Variants in KCTD16 observed in about 807,000 individuals in gnomAD.
KCTD16 encodes BTB/POZ domain-containing protein KCTD16.
In KCTD16, 13 loss-of-function variants were observed where a neutral mutation model predicts 33.2. The observed-to-expected ratio is 0.39, with a 90% confidence interval of 0.25 to 0.62. KCTD16 has a LOEUF of 0.62. Among genes scored for constraint, KCTD16 ranks in the 20% least tolerant of loss-of-function variants. The pLI is 0.50. For missense variants in KCTD16, 441 were observed against 525.1 expected, an observed-to-expected ratio of 0.84 and a Z score of 1.57; for synonymous variants, 197 against 195.3, an observed-to-expected ratio of 1.01 and a Z score of -0.07.
At chr5:144,450,991 A>C (rs1753928860) in intron 3 of KCTD16, among the ~76,000 whole-genome samples, 2 of 152,154 alleles carry the variant, frequency 1.3e-5, no homozygotes, top group Admixed American at 1.3e-4. Context: ...CAAAATGACA[A>C]AAGAACACAA....
intron 3 of KCTD16, among the ~76,000 whole-genome samples, chr5:144,417,423 G>A (rs940157333): frequency 6.6e-6 from 1 of 151,886 alleles, no homozygotes; most frequent in South Asian, 2.1e-4. Context: ...ATTTTCTTTG[G>A]AGAAATGTCT....
At chr5:144,269,390 C>T (rs1021535181) in intron 3 of KCTD16, among the ~76,000 whole-genome samples, 1 of 151,858 alleles carries the variant, frequency 6.6e-6, no homozygotes, top group South Asian at 2.1e-4. Context: ...TGATTATCAG[C>T]AGATTTTTGA....
intron 3 of KCTD16, among the ~76,000 whole-genome samples, chr5:144,424,410 A>G (rs748696885): frequency 1.3e-5 from 2 of 152,182 alleles, no homozygotes; most frequent in Non-Finnish European, 2.9e-5. Flanking sequence ...GTTCTTCTGC[A>G]TCATAGAAAA....
At chr5:144,269,269 CAA>C (rs1755230770) in intron 3 of KCTD16, among the ~76,000 whole-genome samples, 1 of 151,748 alleles carries the variant, frequency 6.6e-6, no homozygotes, top group Non-Finnish European at 1.5e-5. Context: ...AAGATGAATG[CAA>C]AGAGACTCAC....
At chr5:144,382,161 T>C (rs1174859544) in intron 3 of KCTD16, among the ~76,000 whole-genome samples, 1 of 152,122 alleles carries the variant, frequency 6.6e-6, no homozygotes, top group Admixed American at 6.6e-5. Context: ...AATCAAATAC[T>C]ACATATTCTC....
chr5:144,416,959 C>A (rs1753068391), intron 3 of KCTD16, among the ~76,000 whole-genome samples: 1 of 152,082 alleles, frequency 6.6e-6, no homozygotes, highest in South Asian at 2.1e-4. Flanking sequence ...TACTTCATTC[C>A]TTTTTAATGG....
intron 2 of KCTD16, among the ~76,000 whole-genome samples, chr5:144,182,013 A>T (rs1234423347): frequency 1.3e-5 from 2 of 149,804 alleles, no homozygotes; most frequent in Non-Finnish European, 3.0e-5. Context: ...TGAACCTGGG[A>T]GGTGGAGGTT....
intron 3 of KCTD16, among the ~76,000 whole-genome samples, chr5:144,259,207 G>A (rs977770379): frequency 7.3e-6 from 1 of 136,904 alleles, no homozygotes; most frequent in Non-Finnish European, 1.5e-5. Context: ...GCAGTTAGCC[G>A]AGATCGCGCC....
chr5:144,384,529 G>A (rs573830889), intron 3 of KCTD16, among the ~76,000 whole-genome samples: 10 of 151,994 alleles, frequency 6.6e-5, no homozygotes, highest in African/African-American at 1.2e-4. Context: ...TCATTATAGC[G>A]AAATAAAATT....
At chr5:144,442,450 CTTCTTTCTTTCT>C (rs138864208) in intron 3 of KCTD16, among the ~76,000 whole-genome samples, 5 of 147,760 alleles carry the variant, frequency 3.4e-5, no homozygotes, top group Admixed American at 6.8e-5. Flanking sequence ...TCTTTTCTTT[CTTCTTTCTTTCT>C]TTCTTTCTTT....
At chr5:144,209,938 T>G (rs1467431055) in intron 3 of KCTD16, among the ~76,000 whole-genome samples, 1 of 149,434 alleles carries the variant, frequency 6.7e-6, no homozygotes, top group African/African-American at 2.5e-5. Context: ...GCTCCTTAGA[T>G]CTAAGGAATT....
At chr5:144,393,957 TTTTTTC>T (rs1312293259) in intron 3 of KCTD16, among the ~76,000 whole-genome samples, 1 of 146,424 alleles carries the variant, frequency 6.8e-6, no homozygotes, top group East Asian at 2.2e-4. Context: ...TTTTTCTTTC[TTTTTTC>T]TTTTTTTTTT....
chr5:144,309,435 G>T (rs1751700817), intron 3 of KCTD16, among the ~76,000 whole-genome samples: 1 of 151,856 alleles, frequency 6.6e-6, no homozygotes, highest in Admixed American at 6.6e-5. Context: ...TAAAACTCAG[G>T]CGGTGCAAAA....
At chr5:144,223,864 G>A (rs527242984) in intron 3 of KCTD16, among the ~76,000 whole-genome samples, 108 of 152,044 alleles carry the variant, frequency 7.1e-4, no homozygotes, top group Non-Finnish European at 9.4e-4. Flanking sequence ...TAGGTAAGGT[G>A]TTCCTCCTTG....
intron 3 of KCTD16, among the ~76,000 whole-genome samples, chr5:144,386,374 C>T (rs1752324538): frequency 2.0e-5 from 3 of 152,252 alleles, no homozygotes; most frequent in South Asian, 4.1e-4. Context: ...GATTTCTAGG[C>T]ATTGTCAAAA....
chr5:144,459,824 CTTTTTTTTT>C (rs70995051), intron 3 of KCTD16, among the ~76,000 whole-genome samples: 1 of 66,754 alleles, frequency 1.5e-5, no homozygotes, highest in Non-Finnish European at 2.6e-5. Context: ...CCAATATCAT[CTTTTTTTTT>C]TTTTTTTTTT....
intron 3 of KCTD16, among the ~76,000 whole-genome samples, chr5:144,401,278 C>T (rs1405443381): frequency 6.6e-6 from 1 of 152,126 alleles, no homozygotes; most frequent in Admixed American, 6.6e-5. Context: ...AAAGAATTGA[C>T]AGCGATGGAT....
intron 3 of KCTD16, among the ~76,000 whole-genome samples, chr5:144,466,140 AT>A (rs1754326270): frequency 6.6e-6 from 1 of 151,318 alleles, no homozygotes. Context: ...ACCCGGCCAT[AT>A]GTTTTTTCTC....
intron 3 of KCTD16, among the ~76,000 whole-genome samples, chr5:144,337,822 G>C (rs568854117): frequency 6.6e-6 from 1 of 152,116 alleles, no homozygotes; most frequent in Admixed American, 6.6e-5. Flanking sequence ...GAGTGGGTGA[G>C]AACAAGACCT....
Sources: allele counts gnomAD v4.1 joint callset (sites outside exome capture counted in the v4.1 genomes callset), GRCh38; gene constraint gnomAD v4.1.1; transcripts MANE v1.5; gene names NCBI Gene and HGNC (gene_info 2026-07-23, HGNC 2026-07-21).